CCDC141: variants seen among roughly 807,000 people sequenced by gnomAD.
The protein encoded by CCDC141 is coiled-coil domain containing 141.
CCDC141 carries 168 observed loss-of-function variants against 181.0 expected under a neutral mutation model. That is an observed-to-expected ratio of 0.93 (90% CI 0.82 to 1.05). CCDC141 has a LOEUF of 1.05. Ranked by LOEUF, CCDC141 falls within the 50% of genes least tolerant of loss-of-function variation. The pLI is 0.00. For missense variants in CCDC141, 1,902 were observed against 1,788.5 expected (o/e 1.06, Z -1.14); for synonymous variants, 666 against 642.3 (o/e 1.04, Z -0.56).
At chr2:178,942,819 G>T (rs1290872162) in intron 6 of CCDC141, among the ~76,000 whole-genome samples, 1 of 152,080 alleles carries the variant, frequency 6.6e-6, no homozygotes, top group Non-Finnish European at 1.5e-5. Flanking sequence ...ACTTAAAACT[G>T]CTCTAAAAAT....
At chr2:178,872,063 T>C (rs766276185) in intron 13 of CCDC141, 70 bp downstream of exon 13, 256 of 1,476,712 alleles carry the variant, frequency 1.7e-4, no homozygotes, top group Non-Finnish European at 2.3e-4. Context: ...GCTAGTGTTT[T>C]CAAGGTTCGC....
chr2:179,015,094 A>ACATATATAT (rs2042408965), intron 2 of CCDC141, among the ~76,000 whole-genome samples: 9 of 45,840 alleles, frequency 2.0e-4, no homozygotes, highest in South Asian at 1.7e-3. Flanking sequence ...ATATATATAT[A>ACATATATAT]TATATATATA....
At chr2:179,034,814 T>C (rs1473557493) in intron 2 of CCDC141, among the ~76,000 whole-genome samples, 1 of 152,210 alleles carries the variant, frequency 6.6e-6, no homozygotes, top group Non-Finnish European at 1.5e-5. Flanking sequence ...ATGTTGATCT[T>C]CTTAAATGTT....
chr2:178,852,555 A>C (rs1244675757), intron 20 of CCDC141, among the ~76,000 whole-genome samples: 4 of 152,200 alleles, frequency 2.6e-5, no homozygotes, highest in African/African-American at 9.7e-5. Context: ...AATATTATGA[A>C]TAATTCATTC....
intron 2 of CCDC141, among the ~76,000 whole-genome samples, chr2:179,000,595 C>G (rs1193567791): frequency 6.6e-6 from 1 of 152,082 alleles, no homozygotes; most frequent in Non-Finnish European, 1.5e-5. Context: ...AAACTCCCAT[C>G]ACATGGGATG....
chr2:178,865,930 AT>A lies in CCDC141; in HGVS notation c.2575-15del. On this transcript the variant is annotated splice_polypyrimidine_tract_variant and intron_variant, in intron 16 of 23. Transcript: ENST00000443758. ...ATTAGAGCAGTGCTAAAAGAGACAA[AT>A]GGTGGTAACAGAGAGAAAGGACGAA... 4 of 1,498,286 alleles carry A rather than the reference AT, an allele frequency of 2.7e-6. No individual in the cohort carries two copies. Among genetic ancestry groups the A allele is most frequent in the Non-Finnish European group, 2.7e-6 (3 of 1,119,526 alleles). 92.8% of individuals were successfully genotyped at this position (1,498,286 alleles called of 1,614,324 possible).
chr2:178,906,844 A>G (rs552137609), intron 7 of CCDC141, among the ~76,000 whole-genome samples: 1 of 152,312 alleles, frequency 6.6e-6, no homozygotes, highest in East Asian at 1.9e-4. Context: ...CCAAATGTAG[A>G]GGCTATGGTC....
intron 2 of CCDC141, chr2:179,001,936 A>G (rs35405459): frequency 0.16 from 24,269 of 153,836 alleles, 2,029 homozygotes; most frequent in Middle Eastern, 0.26. Context: ...CCCCTGCCTC[A>G]GCCTCTTGAG....
At chr2:178,949,570 G>C (rs1689866460) in intron 5 of CCDC141, among the ~76,000 whole-genome samples, 1 of 152,158 alleles carries the variant, frequency 6.6e-6, no homozygotes, top group Non-Finnish European at 1.5e-5. Context: ...CTATATTTAT[G>C]AATGTTCTTA....
At chr2:179,006,728 CATTGTTTTCACTGTTGAAGAG>C (rs938239180) in intron 2 of CCDC141, among the ~76,000 whole-genome samples, 1 of 152,200 alleles carries the variant, frequency 6.6e-6, no homozygotes, top group African/African-American at 2.4e-5. Context: ...AGAATAAAAC[CATTGTTTTCACTGTTGAAGAG>C]AAGGAATGTT....
chr2:178,837,566 G>A lies in CCDC141; in HGVS notation c.3653C>T (p.Pro1218Leu), dbSNP rs540798315. 6.2e-7 allele frequency: 1 copy of A among 1,613,878 alleles called. No homozygotes were observed. Among genetic ancestry groups the A allele is most frequent in the South Asian group, 1.1e-5 (1 of 91,074 alleles). The change falls in exon 23 of 24, where the codon CCT becomes CTT. Residue 1218 changes from proline (P) to leucine (L), a missense_variant. Coordinates refer to ENST00000443758, the MANE Select transcript of CCDC141 (RefSeq NM_173648.4). ...AGGGGACTCAGGGCTTCCTGGGAGA[G>A]GAGGCAAGGAGATGTCATCAGGTGA... Reference protein sequence around the residue: ...CVSPDDISLPPLPGSPESPLA... With the variant: ...CVSPDDISLPLLPGSPESPLA...
intron 7 of CCDC141, among the ~76,000 whole-genome samples, chr2:178,917,002 A>G (rs752919263): frequency 2.6e-5 from 4 of 152,184 alleles, no homozygotes; most frequent in South Asian, 2.1e-4. Context: ...ACCCAGAAAA[A>G]TATCCCAGCA....
At chr2:179,046,750 C>T (rs890281579) in intron 2 of CCDC141, among the ~76,000 whole-genome samples, 1 of 152,202 alleles carries the variant, frequency 6.6e-6, no homozygotes, top group African/African-American at 2.4e-5. Context: ...CTGGCAACCT[C>T]AAACCAATGT....
intron 11 of CCDC141, 102 bp downstream of exon 11, chr2:178,884,799 G>C: frequency 1.2e-6 from 1 of 848,966 alleles, no homozygotes. Context: ...CAGGGGTAGA[G>C]GATATGGACC....
chr2:178,897,961 G>A (rs1017550687), intron 8 of CCDC141, among the ~76,000 whole-genome samples: 1 of 152,166 alleles, frequency 6.6e-6, no homozygotes, highest in Non-Finnish European at 1.5e-5. Flanking sequence ...TGGTTCTCAA[G>A]GATGATGCTT....
chr2:178,893,706 T>G (rs1687262089), intron 8 of CCDC141, among the ~76,000 whole-genome samples: 5 of 152,136 alleles, frequency 3.3e-5, no homozygotes. Context: ...ATTTATACTG[T>G]AGAAGTGAAA....
chr2:178,833,985 T>C lies in CCDC141; in HGVS notation c.*188A>G. ...TCCACTACAGATAATTTACCAAGCT[T>C]CTCAAATATATTAAACGCTCCAGAA... is the stretch of plus-strand genomic sequence containing the variant. On this transcript the variant is annotated 3_prime_UTR_variant, in exon 24 of 24. Transcript: ENST00000443758. 1.7e-6 allele frequency: 1 copy of C among 604,658 alleles called. No individual in the cohort carries two copies. The highest frequency in any genetic ancestry group is 2.8e-6 in the Non-Finnish European group (1 of 352,438). 37.5% of individuals were successfully genotyped at this position (604,658 alleles called of 1,614,324 possible).
intron 6 of CCDC141, among the ~76,000 whole-genome samples, chr2:178,923,012 G>A (rs917826154): frequency 5.9e-5 from 9 of 151,994 alleles, no homozygotes; most frequent in Non-Finnish European, 1.0e-4. Context: ...CAATCTATAG[G>A]CAGTTTCTGA....
chr2:178,959,773 G>C (rs1277011854), intron 5 of CCDC141, among the ~76,000 whole-genome samples: 1 of 152,168 alleles, frequency 6.6e-6, no homozygotes, highest in Non-Finnish European at 1.5e-5. Context: ...CAAAATGCAA[G>C]CAGGAGAATA....
Sources: allele counts gnomAD v4.1 joint callset (sites outside exome capture counted in the v4.1 genomes callset), GRCh38; gene constraint gnomAD v4.1.1; transcripts MANE v1.5; gene names NCBI Gene and HGNC (gene_info 2026-07-23, HGNC 2026-07-21).